INTS2: variants seen among roughly 807,000 people sequenced by gnomAD.
INTS2 encodes KIAA1287.
Under a neutral mutation model 139.6 loss-of-function variants are expected in INTS2, and 57 were observed. That is an observed-to-expected ratio of 0.41 (90% CI 0.33 to 0.51). The LOEUF is 0.51. INTS2 is among the 20% of genes least tolerant of loss of function. The pLI is 0.28. For synonymous variants in INTS2, 473 were observed against 493.4 expected (o/e 0.96, Z 0.55); for missense variants, 1,196 against 1,436.7 (o/e 0.83, Z 2.71).
At chr17:61,912,865 T>C (rs2458796) in intron 5 of INTS2, among the ~76,000 whole-genome samples, 151,329 of 152,236 alleles carry the variant, frequency 0.99, 75,219 homozygotes, top group Middle Eastern at 1. Flanking sequence ...ATCACTAGGT[T>C]AAGAGCTCGA....
Position 61,897,410 on chromosome 17 carries a change from C to A in INTS2, c.1494+59G>T. 1 of 998,122 alleles carries A rather than the reference C, an allele frequency of 1.0e-6. No individual in the cohort carries two copies. The highest frequency in any genetic ancestry group is 1.5e-6 in the Non-Finnish European group (1 of 676,420). The allele number at this position is 998,122 out of a possible 1,614,324, so 61.8% of individuals were successfully genotyped here. A position where few individuals can be genotyped will look rare whatever the true frequency, so the allele number is the denominator to read the frequency against. Reference sequence around the variant, plus strand: ...TGAAAACAATCTATTTACACTACAACAAAATGTCCAGCTTAGAAACACCTT... The same window carrying A: ...TGAAAACAATCTATTTACACTACAAAAAAATGTCCAGCTTAGAAACACCTT... On this transcript the variant is annotated intron_variant, in intron 11 of 24. Transcript: ENST00000251334. This position sits in a 1 kb window ranked among gnomAD's most constrained non-coding sequence, Gnocchi z 4.4.
At chr17:61,895,897 C>T (rs1192633947) in intron 11 of INTS2, among the ~76,000 whole-genome samples, 5 of 151,848 alleles carry the variant, frequency 3.3e-5, no homozygotes, top group Non-Finnish European at 7.4e-5. Context: ...CTTATATAAA[C>T]CCAAGAAAGG....
intron 17 of INTS2, among the ~76,000 whole-genome samples, chr17:61,879,417 A>G (rs1448258308): frequency 6.6e-6 from 1 of 152,220 alleles, no homozygotes; most frequent in Non-Finnish European, 1.5e-5. Context: ...ACATCTGGCT[A>G]TTGAGCATCT....
chr17:61,910,786 G>C (rs1327842697), intron 7 of INTS2: 1 of 151,924 alleles, frequency 6.6e-6, no homozygotes, highest in East Asian at 1.9e-4. Context: ...TTATTTCAGT[G>C]ATCTAATGCA....
Position 61,868,332 on chromosome 17 carries a change from TGTTA to T in INTS2, c.3245-327_3245-324del, listed in dbSNP as rs573751423. Among the ~76,000 whole-genome samples, 360 of 152,272 alleles carry T rather than the reference TGTTA, an allele frequency of 2.4e-3. 7 individuals carry two copies. The highest frequency in any genetic ancestry group is 0.023 in the Admixed American group (355 of 15,300). On this transcript the variant is annotated intron_variant, in intron 23 of 24. Coordinates refer to ENST00000251334, the MANE Select transcript of INTS2 (RefSeq NM_001351695.2). The surrounding 1 kb of genome is among the most constrained non-coding windows in gnomAD (Gnocchi z 4.7). ...AAAAGGTTAGAGAGGTTAAGAAACT[TGTTA>T]AAGATCACAAGCCAGTTAGTGGTGG...
rs544425620 is a variant in INTS2 at position 61,905,256 on chromosome 17, T to A, written c.1182-671A>T. ...GTACCCAGCCAGGAATTTTTTTTTT[T>A]AAATGGTAAAACTAATATTTTTATA... On this transcript the variant is annotated intron_variant, in intron 8 of 24. Transcript: ENST00000251334. Among the ~76,000 whole-genome samples, 13 of 152,218 alleles carry A rather than the reference T, an allele frequency of 8.5e-5. 1 individual carries two copies. In the South Asian group the frequency reaches 2.1e-3, roughly 24 times the overall value.
chr17:61,912,189 G>A, intron 5 of INTS2, 119 bp from the exon 6 acceptor site: 5 of 1,001,268 alleles, frequency 5.0e-6, no homozygotes, highest in Middle Eastern at 2.2e-4. Flanking sequence ...TGGCCAAAAT[G>A]AAGCAAAAAA....
chr17:61,927,495 G>A (rs1347840422), intron 1 of INTS2, 159 bp downstream of exon 1: 1 of 237,314 alleles, frequency 4.2e-6, no homozygotes, highest in Non-Finnish European at 7.3e-6. Context: ...TTAACAGAGG[G>A]GCGGGCTGAC....
In INTS2 at chr17:61,876,302, C is replaced by T. The variant is rs991448042; in HGVS notation, c.2457-1264G>A. Among the ~76,000 whole-genome samples, 6 of 152,068 alleles carry T rather than the reference C, an allele frequency of 3.9e-5. No individual in the cohort carries two copies. The highest frequency in any genetic ancestry group is 2.1e-4 in the South Asian group (1 of 4,822). On this transcript the variant is annotated intron_variant, in intron 18 of 24. Coordinates refer to ENST00000251334, the MANE Select transcript of INTS2 (RefSeq NM_001351695.2). This position sits in a 1 kb window ranked among gnomAD's most constrained non-coding sequence, Gnocchi z 4.1. Reference sequence around the variant, plus strand: ...TTACCACACTCTCTTTCTCAGGAAGCGAGATGAGTGTGTGTTCCATTCACT... The same window carrying T: ...TTACCACACTCTCTTTCTCAGGAAGTGAGATGAGTGTGTGTTCCATTCACT...
rs1310185138 is a variant in INTS2 at position 61,873,582 on chromosome 17, AG to A, written c.2583-1123del. ...TTTTTTCAAGAAACAGCTCTTTTCT[AG>A]AAGTGTTATTTATTGTGGTTTCCTT... On this transcript the variant is annotated intron_variant, in intron 19 of 24. Coordinates refer to ENST00000251334, the MANE Select transcript of INTS2 (RefSeq NM_001351695.2). The surrounding 1 kb of genome is among the most constrained non-coding windows in gnomAD (Gnocchi z 4.0). Among the ~76,000 whole-genome samples the A allele has an allele frequency of 1.3e-5, 2 of 152,154 alleles. No homozygotes were observed. The highest frequency in any genetic ancestry group is 2.9e-5 in the Non-Finnish European group (2 of 68,018).
rs1248186041 is a variant in INTS2, at chr17:61,926,516, C to T, written c.129G>A (p.Arg43=). 6.2e-7 allele frequency: 1 copy of T among 1,613,894 alleles called. No homozygotes were observed. The change falls in exon 2 of 25, where the codon CGG becomes CGA. Residue 43 remains arginine (R), a synonymous_variant. Coordinates refer to ENST00000251334, the MANE Select transcript of INTS2 (RefSeq NM_001351695.2). ...GGTCAGCAGGTGCACAAAGTGCCAT[C>T]CGTACCAAACAGGGCAGAAGAAGTC... is the stretch of plus-strand genomic sequence containing the variant. The part of the protein sequence containing the change: ...ELRLLLPCLV[R]MALCAPADQS...
chr17:61,907,317 C>T, intron 8 of INTS2, 91 bp downstream of exon 8: 1 of 1,083,028 alleles, frequency 9.2e-7, no homozygotes, highest in Non-Finnish European at 1.3e-6. Context: ...AAACTTTAAT[C>T]CTCTGAATAA....
At chr17:61,912,212 TAAAAA>T (rs1204930057) in intron 5 of INTS2, 142 bp from the exon 6 acceptor site, 3 of 779,098 alleles carry the variant, frequency 3.9e-6, no homozygotes, top group Non-Finnish European at 6.3e-6. Flanking sequence ...AAAAGAGACT[TAAAAA>T]AGAATAGTAA....
chr17:61,911,667 A>T lies in INTS2; in HGVS notation c.807T>A (p.Leu269=), dbSNP rs780388854. The part of the protein sequence containing the change: ...MVVEECHLPG[L]GVALTLDHTK... ...TATGATCCAATGTCAAAGCCACACCAAGGCCTGGCAAGTGACATTCTTCCA... is the reference window on the plus strand; with the variant it reads ...TATGATCCAATGTCAAAGCCACACCTAGGCCTGGCAAGTGACATTCTTCCA... Residue 269 remains leucine, a synonymous_variant, in exon 7 of 25, where the codon CTT becomes CTA. Transcript: ENST00000251334. The T allele has an allele frequency of 6.2e-7, 1 of 1,613,560 alleles. No individual in the cohort carries two copies. Among genetic ancestry groups the T allele is most frequent in the Non-Finnish European group, 8.5e-7 (1 of 1,179,672 alleles).
At position 61,904,538 on chromosome 17, in the gene INTS2, C is replaced by T. The variant is rs376191128; in HGVS notation, c.1229G>A (p.Arg410His). 30 of 1,612,124 alleles carry T rather than the reference C, an allele frequency of 1.9e-5. No individual in the cohort carries two copies. The highest frequency in any genetic ancestry group is 6.7e-5 in the Admixed American group (4 of 59,832). Residue 410 changes from arginine (R) to histidine (H), a missense_variant, in exon 9 of 25, where the codon CGT becomes CAT. Arg to His is a conservative substitution (Grantham distance 29). Around this residue, in one of 3 missense-constraint regions of INTS2, gnomAD observed 1,129 missense variants for 1,341.9 expected, o/e 0.84. Transcript: ENST00000251334. ...AACCCCAGCTGGCGTAGCAGGAGGA[C>T]GGCTCGTCATCAACTGCAGTAATTG... ...AEQLLQLMTS[R>H]PPATPAGVRF...
Position 61,909,825 on chromosome 17 carries a change from G to GTACA in INTS2, c.954+1694_954+1695insTGTA, listed in dbSNP as rs1665152689. Among the ~76,000 whole-genome samples, 1 of 5,332 alleles carries GTACA rather than the reference G, an allele frequency of 1.9e-4. No individual in the cohort carries two copies. The highest frequency in any genetic ancestry group is 8.7e-4 in the African/African-American group (1 of 1,148). The allele number at this position is 5,332 out of a possible 152,430, so 3.5% of individuals were successfully genotyped here. On this transcript the variant is annotated intron_variant, in intron 7 of 24. Coordinates refer to ENST00000251334, the MANE Select transcript of INTS2 (RefSeq NM_001351695.2). This position sits in a 1 kb window ranked among gnomAD's most constrained non-coding sequence, Gnocchi z 4.9. ...TACGTGTGTGTGTACATGTGTGTAT[G>GTACA]TGTGTGTGTGTGTGTGTGTGTGTGT...
Position 61,903,059 on chromosome 17 carries a change from G to A in INTS2, c.1307+1401C>T, listed in dbSNP as rs866566665. ...AGGCTCCTGTAGTCCCAGCTACTCG[G>A]GAGGCTGAGGCAGGAGAATGGCGTG... On this transcript the variant is annotated intron_variant, in intron 9 of 24. Coordinates refer to ENST00000251334, the MANE Select transcript of INTS2 (RefSeq NM_001351695.2). 3.3e-5 allele frequency among the ~76,000 whole-genome samples: 5 copies of A among 150,402 alleles called. No homozygotes were observed. The South Asian group carries it at 1.1e-3, about 32-fold the overall frequency.
chr17:61,872,270 C>A lies in INTS2; in HGVS notation c.2773G>T (p.Ala925Ser). 6.2e-7 allele frequency: 1 copy of A among 1,605,602 alleles called. No individual in the cohort carries two copies. Among genetic ancestry groups the A allele is most frequent in the Non-Finnish European group, 8.5e-7 (1 of 1,174,708 alleles). The change falls in exon 20 of 25, where the codon GCT (alanine) becomes TCT (serine). Residue 925 changes from alanine to serine, a missense_variant. Ala to Ser is a moderately conservative substitution (Grantham distance 99). Around this residue, in one of 3 missense-constraint regions of INTS2, gnomAD observed 1,129 missense variants for 1,341.9 expected, o/e 0.84. Transcript: ENST00000251334. The surrounding 1 kb of genome is among the most constrained non-coding windows in gnomAD (Gnocchi z 4.8). ...REELKNALLA[A>S]QDSAAVQILL... Reference sequence around the variant, plus strand: ...TTTACTTTAGCAAAATTTACCTGAGCGGCCAGTAATGCATTTTTCAATTCT... The same window carrying A: ...TTTACTTTAGCAAAATTTACCTGAGAGGCCAGTAATGCATTTTTCAATTCT...
intron 7 of INTS2, among the ~76,000 whole-genome samples, chr17:61,908,763 A>G (rs1424931309): frequency 6.6e-6 from 1 of 150,686 alleles, no homozygotes; most frequent in African/African-American, 2.4e-5. Context: ...TACCTGACAT[A>G]TATGAAGCAT....
Sources: gnomAD v4.1 joint callset for allele counts (sites outside exome capture counted in the v4.1 genomes callset) on GRCh38, gnomAD v4.1.1 for gene constraint, gnomAD v4.1.1 regional missense constraint, Gnocchi (gnomAD v3.1) non-coding constraint, MANE v1.5 for transcripts, NCBI Gene and HGNC (gene_info 2026-07-23, HGNC 2026-07-21) for gene names.